The following CNTNAP2 variants were observed in gnomAD, a reference collection of about 807,000 sequenced individuals.
CNTNAP2 encodes the protein contactin associated protein 2.
CNTNAP2 carries 98 observed loss-of-function variants against 155.2 expected under a neutral mutation model. That is an observed-to-expected ratio of 0.63 (90% CI 0.54 to 0.75). The LOEUF (loss-of-function observed/expected upper bound fraction) is 0.75, where lower values mean the gene tolerates loss of function less well. CNTNAP2 is among the 30% of genes least tolerant of loss of function. The probability of loss-of-function intolerance (pLI) is 0.00; values close to 1 mark genes in which losing one functional copy is unlikely to be tolerated. For missense variants in CNTNAP2, 1,727 were observed against 1,688.1 expected (o/e 1.02, Z -0.40); for synonymous variants, 651 against 631.2 (o/e 1.03, Z -0.47).
intron 21 of CNTNAP2, among the ~76,000 whole-genome samples, chr7:148,270,743 T>C (rs1196621081): frequency 6.6e-6 from 1 of 152,228 alleles, no homozygotes. Context: ...AAAGTAGGCA[T>C]CTGACGATCA....
At chr7:148,207,902 G>A (rs1795478059) in intron 18 of CNTNAP2, among the ~76,000 whole-genome samples, 1 of 151,954 alleles carries the variant, frequency 6.6e-6, no homozygotes, top group African/African-American at 2.4e-5. Flanking sequence ...TCGAGACCAC[G>A]GTGAAACCCC....
chr7:147,821,533 A>C (rs1346390717), intron 13 of CNTNAP2, among the ~76,000 whole-genome samples: 1 of 152,206 alleles, frequency 6.6e-6, no homozygotes, highest in Non-Finnish European at 1.5e-5. Flanking sequence ...TAAATAACAT[A>C]AACATGACAG....
Position 146,719,806 on chromosome 7 carries a change from T to C in CNTNAP2, c.98-54465T>C, listed in dbSNP as rs543721473. The stretch of plus-strand genomic sequence containing the variant: ...ATTTTGTTGTTTATTTTTTGAAAAC[T>C]ATTGTTTCAATTATGAAACAGAGAT... On this transcript the variant is annotated intron_variant, in intron 1 of 23. Transcript: ENST00000361727. 1.1e-4 allele frequency among the ~76,000 whole-genome samples: 16 copies of C among 152,270 alleles called. No homozygotes were observed. The South Asian group carries it at 2.3e-3, about 22-fold the overall frequency.
At chr7:146,585,821 G>T (rs1798682694) in intron 1 of CNTNAP2, among the ~76,000 whole-genome samples, 2 of 151,682 alleles carry the variant, frequency 1.3e-5, no homozygotes, top group Admixed American at 6.6e-5. Flanking sequence ...GGGAGGGAAG[G>T]AATGAGAGAG....
At chr7:146,599,898 G>T (rs566007822) in intron 1 of CNTNAP2, among the ~76,000 whole-genome samples, 1 of 152,014 alleles carries the variant, frequency 6.6e-6, no homozygotes, top group South Asian at 2.1e-4. Flanking sequence ...GCTTTTGATG[G>T]CATTCTGTAA....
chr7:146,632,372 C>A (rs905353577), intron 1 of CNTNAP2, among the ~76,000 whole-genome samples: 5 of 152,028 alleles, frequency 3.3e-5, no homozygotes, highest in African/African-American at 9.7e-5. Context: ...CAACATAGGA[C>A]AGCAAATGAA....
At chr7:146,974,442 AAAAAAT>A (rs1160533661) in intron 3 of CNTNAP2, among the ~76,000 whole-genome samples, 1 of 151,238 alleles carries the variant, frequency 6.6e-6, no homozygotes, top group Non-Finnish European at 1.5e-5. Flanking sequence ...CCGTCTTAAA[AAAAAAT>A]AAAAAATAAA....
intron 21 of CNTNAP2, among the ~76,000 whole-genome samples, chr7:148,351,062 T>C (rs1392272550): frequency 6.6e-6 from 1 of 152,192 alleles, no homozygotes; most frequent in African/African-American, 2.4e-5. Context: ...GGGCTTCTTA[T>C]TCGTGGGCAA....
At chr7:146,451,878 TAC>T (rs34637709) in intron 1 of CNTNAP2, among the ~76,000 whole-genome samples, 18,473 of 87,374 alleles carry the variant, frequency 0.21, 4,477 homozygotes, top group African/African-American at 0.55. Flanking sequence ...TACGTATATA[TAC>T]ACATATACAT....
intron 13 of CNTNAP2, among the ~76,000 whole-genome samples, chr7:147,740,242 A>C (rs576053322): frequency 2.0e-5 from 3 of 148,356 alleles, no homozygotes; most frequent in Non-Finnish European, 3.0e-5. Flanking sequence ...ATTTTCTAAG[A>C]GTGTGATATG....
At chr7:147,618,552 C>T (rs529526248) in intron 12 of CNTNAP2, among the ~76,000 whole-genome samples, 3 of 144,846 alleles carry the variant, frequency 2.1e-5, no homozygotes, top group Non-Finnish European at 2.9e-5. Context: ...AGACTCAGCT[C>T]ATATACTTTT....
chr7:147,377,852 G>A lies in CNTNAP2; in HGVS notation c.1499-17757G>A, dbSNP rs184226101. Among the ~76,000 whole-genome samples, 111 of 151,878 alleles carry A rather than the reference G, an allele frequency of 7.3e-4. 1 individual carries two copies. The East Asian group carries it at 0.017, about 23-fold the overall frequency. ...TCCCTTGCTACTTTTATGTTCCGTG[G>A]TAATGTGCTGTTATAGCATGCTGTG... On this transcript the variant is annotated intron_variant, in intron 9 of 23. Transcript: ENST00000361727.
chr7:147,804,316 T>C (rs2116596356), intron 13 of CNTNAP2, among the ~76,000 whole-genome samples: 1 of 152,296 alleles, frequency 6.6e-6, no homozygotes, highest in East Asian at 1.9e-4. Flanking sequence ...TGTGGTGACA[T>C]CTACTTACCA....
chr7:146,494,137 A>G lies in CNTNAP2; in HGVS notation c.98-280134A>G, dbSNP rs561338223. 2.6e-4 allele frequency among the ~76,000 whole-genome samples: 40 copies of G among 152,254 alleles called. No homozygotes were observed. The East Asian group carries it at 7.5e-3, about 29-fold the overall frequency. On this transcript the variant is annotated intron_variant, in intron 1 of 23. Coordinates refer to ENST00000361727, the MANE Select transcript of CNTNAP2 (RefSeq NM_014141.6). ...ATCACAAGGTCAGGAGATCGAGACC[A>G]TCCTGGCTAACACGGTGAAACGCTG... is the stretch of plus-strand genomic sequence containing the variant.
At chr7:147,655,027 G>A (rs2116945473) in intron 13 of CNTNAP2, among the ~76,000 whole-genome samples, 1 of 151,876 alleles carries the variant, frequency 6.6e-6, no homozygotes, top group African/African-American at 2.4e-5. Flanking sequence ...ATGTTGGCCA[G>A]GCTGATCTCT....
chr7:146,253,145 C>A (rs1179224684), intron 1 of CNTNAP2, among the ~76,000 whole-genome samples: 2 of 152,214 alleles, frequency 1.3e-5, no homozygotes, highest in Non-Finnish European at 2.9e-5. Context: ...TCATCTCTTG[C>A]CTTCCCCTCT....
At chr7:147,966,400 T>G (rs2178771) in intron 14 of CNTNAP2, among the ~76,000 whole-genome samples, 32,604 of 152,004 alleles carry the variant, frequency 0.21, 4,264 homozygotes, top group South Asian at 0.34. Context: ...TTTTCATGAG[T>G]GTTGAAGTCT....
In CNTNAP2 at chr7:146,839,823, A is replaced by C. The variant is rs1375721753; in HGVS notation, c.321A>C (p.Ser107=). ...CAACCCAAGGAAGGTATAGCAGCTC[A>C]GATTGGGTGACCCAATACCGGATGC... ...AIATQGRYSS[S]DWVTQYRMLY... The change falls in exon 3 of 24, where the codon TCA becomes TCC. Residue 107 remains serine, a synonymous_variant. Coordinates refer to ENST00000361727, the MANE Select transcript of CNTNAP2 (RefSeq NM_014141.6). 1 of 1,613,962 alleles carries C rather than the reference A, an allele frequency of 6.2e-7. No homozygotes were observed. The highest frequency in any genetic ancestry group is 8.5e-7 in the Non-Finnish European group (1 of 1,179,842).
chr7:147,788,354 A>G (rs575879382), intron 13 of CNTNAP2, among the ~76,000 whole-genome samples: 1 of 152,346 alleles, frequency 6.6e-6, no homozygotes, highest in South Asian at 2.1e-4. Flanking sequence ...AAATTAGACA[A>G]TTGCAATATG....
Sources: gnomAD v4.1 joint callset for allele counts (sites outside exome capture counted in the v4.1 genomes callset) on GRCh38, gnomAD v4.1.1 for gene constraint, MANE v1.5 for transcripts, NCBI Gene and HGNC (gene_info 2026-07-23, HGNC 2026-07-21) for gene names.